SRPK2: variants seen among roughly 807,000 people sequenced by gnomAD.
The protein encoded by SRPK2 is SRSF protein kinase 2, also known as SFRS protein kinase 2.
Under a neutral mutation model 90.8 loss-of-function variants are expected in SRPK2, and 21 were observed. That is an observed-to-expected ratio of 0.23 (90% confidence interval 0.16 to 0.33). The LOEUF is 0.33. Ranked by LOEUF, SRPK2 falls within the 10% of genes least tolerant of loss-of-function variation. The pLI is 1.00. For missense variants in SRPK2, 620 were observed against 869.0 expected (o/e 0.71, Z 3.60); for synonymous variants, 288 against 311.1 (o/e 0.93, Z 0.78).
upstream of SRPK2, chr7:105,389,383 C>A: frequency 1.6e-6 from 2 of 1,251,568 alleles, no homozygotes; most frequent in East Asian, 7.4e-5. Flanking sequence ...GCGCCGCTTC[C>A]TCCTCTCCGG....
At chr7:105,388,486 C>A (rs1422341866) in intron 2 of SRPK2, among the ~76,000 whole-genome samples, 162 bp downstream of exon 2, 1 of 147,716 alleles carries the variant, frequency 6.8e-6, no homozygotes, top group Non-Finnish European at 1.5e-5. Context: ...GCCGCCGCCC[C>A]TCCCCCCGGG....
intron 2 of SRPK2, among the ~76,000 whole-genome samples, chr7:105,385,997 T>C (rs958836456): frequency 2.6e-5 from 4 of 152,184 alleles, no homozygotes; most frequent in African/African-American, 9.6e-5. Context: ...AGGTTAGCTT[T>C]GCAAGGAGCT....
At chr7:105,137,728 T>C (rs1351624332) in intron 11 of SRPK2, among the ~76,000 whole-genome samples, 2 of 152,216 alleles carry the variant, frequency 1.3e-5, no homozygotes, top group Admixed American at 1.3e-4. Flanking sequence ...GTACCTTCTT[T>C]AGCCTGGCAT....
intron 2 of SRPK2, among the ~76,000 whole-genome samples, chr7:105,218,899 A>G (rs1304464775): frequency 1.6e-5 from 2 of 121,508 alleles, no homozygotes; most frequent in African/African-American, 5.1e-5. Context: ...AAGAACAAAT[A>G]AAAGAAAAAA....
chr7:105,287,535 A>G (rs1808332655), intron 2 of SRPK2, among the ~76,000 whole-genome samples: 1 of 152,088 alleles, frequency 6.6e-6, no homozygotes, highest in African/African-American at 2.4e-5. Context: ...TCAGGAGTTC[A>G]AGACCAGCTT....
intron 7 of SRPK2, among the ~76,000 whole-genome samples, chr7:105,159,798 T>C (rs1441974772): frequency 6.6e-6 from 1 of 152,216 alleles, no homozygotes; most frequent in African/African-American, 2.4e-5. Context: ...AATTTCTATA[T>C]GAGTTAAACA....
chr7:105,135,835 G>T (rs928998642), intron 11 of SRPK2, among the ~76,000 whole-genome samples: 1 of 151,488 alleles, frequency 6.6e-6, no homozygotes, highest in Non-Finnish European at 1.5e-5. Flanking sequence ...CGCGATCTCG[G>T]CTCACTGCAG....
chr7:105,317,072 T>C (rs1812392382), intron 2 of SRPK2, among the ~76,000 whole-genome samples: 2 of 152,228 alleles, frequency 1.3e-5, no homozygotes, highest in Admixed American at 6.5e-5. Context: ...TGTTTATACC[T>C]TCCAGCAGTT....
At chr7:105,191,500 G>T (rs554365819) in intron 3 of SRPK2, among the ~76,000 whole-genome samples, 1 of 152,306 alleles carries the variant, frequency 6.6e-6, no homozygotes, top group South Asian at 2.1e-4. Flanking sequence ...TGTAGTAGTA[G>T]TGAGCTGTGA....
At position 105,190,248 on chromosome 7, in the gene SRPK2, T is replaced by A. The variant is rs1010340; in HGVS notation, c.229+13380A>T. 1.2e-4 allele frequency among the ~76,000 whole-genome samples: 18 copies of A among 152,104 alleles called. No homozygotes were observed. The South Asian group carries it at 3.7e-3, about 32-fold the overall frequency. ...CATCTGGAATGACTGCAAGTATGAC[T>A]GCCCATCTATATTCAAACAATATAA... On this transcript the variant is annotated intron_variant, in intron 3 of 15. Coordinates refer to ENST00000393651, the MANE Select transcript of SRPK2 (RefSeq NM_182692.3).
chr7:105,136,453 T>C (rs1802817998), intron 11 of SRPK2, among the ~76,000 whole-genome samples: 1 of 152,180 alleles, frequency 6.6e-6, no homozygotes, highest in South Asian at 2.1e-4. Flanking sequence ...ACTGGAGCTG[T>C]CTTCCTTCCA....
rs147578032 is a variant in SRPK2, at chr7:105,339,266, T to C, written c.71+49382A>G. ...AATACATGCCCTCAGGAATTTTGAATAGAGGTACAAAAAGCCATTCCTCCT... is the reference window on the plus strand; with the variant it reads ...AATACATGCCCTCAGGAATTTTGAACAGAGGTACAAAAAGCCATTCCTCCT... On this transcript the variant is annotated intron_variant, in intron 2 of 15. Transcript: ENST00000393651. 4.5e-3 allele frequency among the ~76,000 whole-genome samples: 688 copies of C among 152,318 alleles called. 5 individuals are homozygous for C. The highest frequency in any genetic ancestry group is 7.2e-3 in the Non-Finnish European group (489 of 68,024).
intron 2 of SRPK2, among the ~76,000 whole-genome samples, chr7:105,259,418 T>C (rs570908646): frequency 2.0e-5 from 3 of 152,330 alleles, no homozygotes; most frequent in East Asian, 3.9e-4. Context: ...TCCATATTCA[T>C]GGATAGGAAG....
chr7:105,287,339 C>G (rs182936589), intron 2 of SRPK2, among the ~76,000 whole-genome samples: 69 of 149,134 alleles, frequency 4.6e-4, no homozygotes, highest in African/African-American at 1.7e-3. Context: ...CAAAACATAA[C>G]TCTCACAAAG....
At chr7:105,249,447 AG>A (rs1240695102) in intron 2 of SRPK2, among the ~76,000 whole-genome samples, 1 of 152,208 alleles carries the variant, frequency 6.6e-6, no homozygotes, top group African/African-American at 2.4e-5. Flanking sequence ...CTAGAAGAAC[AG>A]TACTAGTATA....
At chr7:105,179,052 C>T (rs1792385288) in intron 3 of SRPK2, among the ~76,000 whole-genome samples, 1 of 151,950 alleles carries the variant, frequency 6.6e-6, no homozygotes, top group Non-Finnish European at 1.5e-5. Flanking sequence ...TAAATGGATT[C>T]AGAAACCATT....
At chr7:105,346,481 T>TGCAGTG (rs1482544060) in intron 2 of SRPK2, among the ~76,000 whole-genome samples, 1 of 151,942 alleles carries the variant, frequency 6.6e-6, no homozygotes, top group Non-Finnish European at 1.5e-5. Flanking sequence ...CAAGGCCAGG[T>TGCAGTG]GCAGTGGCTC....
At chr7:105,262,652 C>A (rs1417512835) in intron 2 of SRPK2, among the ~76,000 whole-genome samples, 1 of 152,130 alleles carries the variant, frequency 6.6e-6, no homozygotes, top group Non-Finnish European at 1.5e-5. Flanking sequence ...AGCAGTGCCT[C>A]CAACAACAAC....
intron 11 of SRPK2, among the ~76,000 whole-genome samples, chr7:105,138,027 C>T (rs1281818049): frequency 1.3e-5 from 2 of 152,150 alleles, no homozygotes; most frequent in Non-Finnish European, 2.9e-5. Context: ...CTGGTACATC[C>T]CTAGAATTTG....
Sources: allele counts gnomAD v4.1 joint callset (sites outside exome capture counted in the v4.1 genomes callset), GRCh38; gene constraint gnomAD v4.1.1; transcripts MANE v1.5; gene names NCBI Gene and HGNC (gene_info 2026-07-23, HGNC 2026-07-21).